The following SEL1L2 variants were observed in gnomAD, a reference collection of about 807,000 sequenced individuals.
The protein encoded by SEL1L2 is SEL1L2 adaptor subunit of SYVN1 ubiquitin ligase.
A neutral mutation model predicts 98.8 loss-of-function variants in SEL1L2; 89 were observed. The observed-to-expected ratio is 0.90, with a 90% CI of 0.76 to 1.07. The LOEUF (loss-of-function observed/expected upper bound fraction) is 1.07. Ranked by LOEUF, SEL1L2 falls within the 50% of genes least tolerant of loss-of-function variation. SEL1L2 has a pLI of 0.00. For missense variants in SEL1L2, 788 were observed against 812.0 expected, an observed-to-expected ratio of 0.97 and a Z score of 0.36; for synonymous variants, 262 against 278.5, an observed-to-expected ratio of 0.94 and a Z score of 0.59.
chr20:13,867,981 A>G (rs557762573), intron 14 of SEL1L2, among the ~76,000 whole-genome samples: 1 of 152,080 alleles, frequency 6.6e-6, no homozygotes, highest in East Asian at 1.9e-4. Context: ...CTCCTCTGAC[A>G]TGAAGGACTT....
intron 2 of SEL1L2, 54 bp from the exon 3 acceptor site, chr20:13,931,825 T>G (rs1002400241): frequency 7.3e-7 from 1 of 1,366,004 alleles, no homozygotes; most frequent in Non-Finnish European, 9.7e-7. Flanking sequence ...TTTTTTCAAA[T>G]GAAACAACAG....
chr20:13,854,850 G>A (rs991786012), intron 18 of SEL1L2, among the ~76,000 whole-genome samples: 17 of 152,002 alleles, frequency 1.1e-4, no homozygotes, highest in East Asian at 1.9e-4. Flanking sequence ...TCAAGAGATT[G>A]AGACCATCCT....
intron 2 of SEL1L2, among the ~76,000 whole-genome samples, chr20:13,948,458 T>C (rs2050118335): frequency 6.6e-6 from 1 of 152,160 alleles, no homozygotes; most frequent in Admixed American, 6.5e-5. Flanking sequence ...AAGCTTCTCA[T>C]ATATGATCAA....
intron 1 of SEL1L2, among the ~76,000 whole-genome samples, chr20:13,989,764 T>C (rs2052448604): frequency 1.3e-5 from 2 of 152,240 alleles, no homozygotes; most frequent in Admixed American, 6.5e-5. Flanking sequence ...CATTGATTTA[T>C]GGGTGGTAAA....
intron 19 of SEL1L2, chr20:13,849,974 T>A (rs892720995): frequency 1.7e-6 from 1 of 579,694 alleles, no homozygotes; most frequent in African/African-American, 1.9e-5. Context: ...GAAAAGAACA[T>A]CTGCTGAATG....
At chr20:13,930,771 CCATAACCCATGGTT>C (rs1249274347) in intron 3 of SEL1L2, among the ~76,000 whole-genome samples, 3 of 152,262 alleles carry the variant, frequency 2.0e-5, no homozygotes, top group South Asian at 2.1e-4. Context: ...TCTTTCTTCT[CCATAACCCATGGTT>C]CATAACCCAT....
chr20:13,877,476 G>A (rs748431934), intron 11 of SEL1L2, 44 bp downstream of exon 11: 2 of 1,469,284 alleles, frequency 1.4e-6, no homozygotes, highest in South Asian at 1.1e-5. Context: ...TAATTTCTTA[G>A]GTTTTTAATA....
At chr20:13,951,046 G>A (rs36089923) in intron 2 of SEL1L2, among the ~76,000 whole-genome samples, 2 of 151,620 alleles carry the variant, frequency 1.3e-5, no homozygotes, top group Non-Finnish European at 2.9e-5. Context: ...GGAGGCCGAG[G>A]CGTGCGGATC....
chr20:13,961,854 C>G (rs1338114955), intron 1 of SEL1L2, among the ~76,000 whole-genome samples: 1 of 152,268 alleles, frequency 6.6e-6, no homozygotes, highest in East Asian at 1.9e-4. Context: ...GCTAGATTTC[C>G]AAATTGCCAT....
chr20:13,923,736 A>C (rs1233179745), intron 3 of SEL1L2, among the ~76,000 whole-genome samples: 1 of 152,242 alleles, frequency 6.6e-6, no homozygotes, highest in East Asian at 1.9e-4. Flanking sequence ...CCTTGGCGAC[A>C]GAGTAAGACT....
intron 18 of SEL1L2, among the ~76,000 whole-genome samples, chr20:13,858,508 G>A (rs770303262): frequency 1.3e-5 from 2 of 152,192 alleles, no homozygotes; most frequent in Non-Finnish European, 2.9e-5. Flanking sequence ...GATAGTTCTA[G>A]GGCTTATCTC....
In SEL1L2 at chr20:13,850,293, G is replaced by A. The variant is rs140015347; in HGVS notation, c.1845C>T (p.Tyr615=). The A allele has an allele frequency of 7.0e-3, 11,234 of 1,614,008 alleles. 79 individuals are homozygous for A. Among genetic ancestry groups the A allele is most frequent in the Middle Eastern group, 0.016 (97 of 6,060 alleles). ...CTGGACTCGTTTGAGCAGCCATGTC[G>A]TACAATCTTCTGGCCAAGTGAATGT... The part of the protein sequence containing the change: ...TKDIHLARRL[Y]DMAAQTSPDA... The change falls in exon 19 of 20, where the codon TAC becomes TAT. Residue 615 remains tyrosine, a synonymous_variant. Coordinates refer to ENST00000284951, the MANE Select transcript of SEL1L2 (RefSeq NM_025229.2).
At chr20:13,926,546 G>A (rs564042679) in intron 3 of SEL1L2, among the ~76,000 whole-genome samples, 3 of 152,040 alleles carry the variant, frequency 2.0e-5, no homozygotes, top group Admixed American at 6.5e-5. Flanking sequence ...GTATCAACTG[G>A]CCATTGGAAG....
chr20:13,951,598 C>CAAA (rs36150346), intron 2 of SEL1L2, among the ~76,000 whole-genome samples: 2 of 2,678 alleles, frequency 7.5e-4, no homozygotes, highest in Non-Finnish European at 1.2e-3. Context: ...GACTCTGTCT[C>CAAA]AAAAAAAAAA....
chr20:13,947,820 C>T (rs2050088160), intron 2 of SEL1L2, among the ~76,000 whole-genome samples: 2 of 152,238 alleles, frequency 1.3e-5, no homozygotes, highest in Non-Finnish European at 2.9e-5. Flanking sequence ...GCATCTGATC[C>T]AGCCACAGGT....
chr20:13,879,153 T>A (rs1462625406), intron 10 of SEL1L2, among the ~76,000 whole-genome samples: 3 of 152,008 alleles, frequency 2.0e-5, no homozygotes, highest in Admixed American at 6.6e-5. Context: ...TGAAAGATGG[T>A]GACAAGTCAC....
intron 3 of SEL1L2, among the ~76,000 whole-genome samples, chr20:13,927,162 C>G (rs1342857315): frequency 2.0e-5 from 3 of 152,168 alleles, no homozygotes; most frequent in Admixed American, 1.3e-4. Flanking sequence ...TCATGTTCAA[C>G]TATAAAATAC....
chr20:13,972,485 G>C (rs1361782445), intron 1 of SEL1L2, among the ~76,000 whole-genome samples: 3 of 152,126 alleles, frequency 2.0e-5, no homozygotes, highest in Non-Finnish European at 4.4e-5. Flanking sequence ...AAGTCTTAAA[G>C]GTTACTTGGC....
intron 5 of SEL1L2, among the ~76,000 whole-genome samples, chr20:13,901,255 A>G (rs140586437): frequency 0.015 from 2,243 of 151,888 alleles, 32 homozygotes; most frequent in Non-Finnish European, 0.023. Context: ...TATTTTTAGT[A>G]GAGACGGGGT....
Sources: gnomAD v4.1 joint callset for allele counts (sites outside exome capture counted in the v4.1 genomes callset) on GRCh38, gnomAD v4.1.1 for gene constraint, MANE v1.5 for transcripts, NCBI Gene and HGNC (gene_info 2026-07-23, HGNC 2026-07-21) for gene names.